Variants in LGR5 observed in about 807,000 individuals in gnomAD.
LGR5 encodes the protein leucine-rich repeat-containing G protein-coupled receptor 5.
In LGR5, 54 loss-of-function variants were observed where a neutral mutation model predicts 76.7. The ratio of observed to expected loss-of-function variants is 0.70; its 90% CI spans 0.57 to 0.88. The LOEUF (loss-of-function observed/expected upper bound fraction) is 0.88, where lower values mean the gene tolerates loss of function less well. LGR5 is among the 40% of genes least tolerant of loss of function. LGR5 has a pLI of 0.00. For missense variants in LGR5, 1,078 were observed against 1,073.3 expected (o/e 1.00, Z -0.06); for synonymous variants, 406 against 421.9 (o/e 0.96, Z 0.46).
At position 71,566,497 on chromosome 12, in the gene LGR5, G is replaced by A. The variant is rs11178849; in HGVS notation, c.929+22G>A. 33,444 of 1,573,102 alleles carry A rather than the reference G, an allele frequency of 0.021. 940 individuals carry two copies. Among genetic ancestry groups the A allele is most frequent in the African/African-American group, 0.14 (10,139 of 74,292 alleles). On this transcript the variant is annotated intron_variant, in intron 9 of 17. Coordinates refer to ENST00000266674, the MANE Select transcript of LGR5 (RefSeq NM_003667.4). ...CACTGTAAGTTTCTATGTCTCTTAT[G>A]GATCACTTTCCCTCTACAGGGTTGC...
intron 1 of LGR5, among the ~76,000 whole-genome samples, chr12:71,481,916 T>C (rs969973786): frequency 6.6e-6 from 1 of 152,214 alleles, no homozygotes; most frequent in Non-Finnish European, 1.5e-5. Context: ...AGACACTCAA[T>C]GACACAACAC....
At chr12:71,543,057 A>G (rs777575467) in intron 4 of LGR5, among the ~76,000 whole-genome samples, 3 of 152,100 alleles carry the variant, frequency 2.0e-5, no homozygotes, top group Admixed American at 6.6e-5. Flanking sequence ...CAAAGAAAGC[A>G]CTAGGACATA....
At chr12:71,481,472 A>T (rs763655908) in intron 1 of LGR5, among the ~76,000 whole-genome samples, 2 of 152,208 alleles carry the variant, frequency 1.3e-5, no homozygotes, top group Non-Finnish European at 2.9e-5. Context: ...TATATATGCC[A>T]CATTTTCTTT....
intron 2 of LGR5, among the ~76,000 whole-genome samples, chr12:71,519,686 C>T (rs1352984413): frequency 6.6e-6 from 1 of 151,760 alleles, no homozygotes; most frequent in Non-Finnish European, 1.5e-5. Flanking sequence ...ATTAGCCAGG[C>T]ATGGTGTCAT....
At chr12:71,527,712 C>T (rs969718764) in intron 3 of LGR5, among the ~76,000 whole-genome samples, 2 of 152,196 alleles carry the variant, frequency 1.3e-5, no homozygotes, top group Non-Finnish European at 2.9e-5. Flanking sequence ...AGGTCCCCAC[C>T]TCCCAACACT....
At chr12:71,498,320 CA>C (rs138666574) in intron 1 of LGR5, among the ~76,000 whole-genome samples, 7,408 of 152,194 alleles carry the variant, frequency 0.049, 222 homozygotes, top group Middle Eastern at 0.11. Flanking sequence ...GCCATTTGTC[CA>C]GGCTGCTACA....
At chr12:71,551,603 G>C (rs1464521950) in intron 4 of LGR5, among the ~76,000 whole-genome samples, 1 of 152,158 alleles carries the variant, frequency 6.6e-6, no homozygotes, top group Non-Finnish European at 1.5e-5. Context: ...GTTGGTTCTA[G>C]TATTCATGCA....
intron 4 of LGR5, 71 bp downstream of exon 4, chr12:71,535,257 C>A (rs1876530486): frequency 9.7e-7 from 1 of 1,027,538 alleles, no homozygotes; most frequent in Non-Finnish European, 1.5e-6. Context: ...GTTCAGTTGA[C>A]CATTTTAGTA....
intron 1 of LGR5, among the ~76,000 whole-genome samples, chr12:71,462,288 C>T (rs1171854648): frequency 6.6e-6 from 1 of 152,138 alleles, no homozygotes; most frequent in Non-Finnish European, 1.5e-5. Context: ...AGAGTTTCCT[C>T]TGTCAACTAG....
chr12:71,577,993 A>G lies in LGR5; in HGVS notation c.1277A>G (p.Lys426Arg), dbSNP rs377594428. 71 of 1,607,328 alleles carry G rather than the reference A, an allele frequency of 4.4e-5. No homozygotes were observed. The highest frequency in any genetic ancestry group is 5.9e-5 in the Non-Finnish European group (69 of 1,174,028). The change falls in exon 14 of 18, where the codon AAG becomes AGG. Residue 426 changes from lysine (K) to arginine (R), a missense_variant. By Grantham distance (26) the Lys-to-Arg change is conservative. Coordinates refer to ENST00000266674, the MANE Select transcript of LGR5 (RefSeq NM_003667.4). ...TTTTCCACTTTGCCATCCCTAATAA[A>G]GCTGTGAGTATTCCACAACTTGTTT... ...NAFSTLPSLI[K>R]LDLSSNLLSS...
At chr12:71,445,839 G>A (rs904061956) in intron 1 of LGR5, among the ~76,000 whole-genome samples, 5 of 152,188 alleles carry the variant, frequency 3.3e-5, no homozygotes, top group Admixed American at 1.3e-4. Flanking sequence ...AAGTGCTTCC[G>A]TATATCCTCA....
intron 14 of LGR5, among the ~76,000 whole-genome samples, 187 bp from the exon 15 acceptor site, chr12:71,578,617 A>T (rs1878959728): frequency 6.6e-6 from 1 of 152,160 alleles, no homozygotes; most frequent in East Asian, 1.9e-4. Context: ...CTCCCCTACA[A>T]TCCTGATTGT....
At chr12:71,540,944 C>A (rs553626512) in intron 4 of LGR5, among the ~76,000 whole-genome samples, 14 of 152,156 alleles carry the variant, frequency 9.2e-5, no homozygotes, top group Non-Finnish European at 1.9e-4. Context: ...CAAGCCTATA[C>A]AATAAAAATG....
At chr12:71,529,192 A>C (rs10784923) in intron 3 of LGR5, among the ~76,000 whole-genome samples, 87,609 of 152,006 alleles carry the variant, frequency 0.58, 25,670 homozygotes, top group East Asian at 0.87. Context: ...ATATCGTATT[A>C]GTCCATTTTC....
intron 1 of LGR5, among the ~76,000 whole-genome samples, chr12:71,475,972 A>C (rs1022715830): frequency 5.3e-5 from 8 of 152,170 alleles, no homozygotes; most frequent in Non-Finnish European, 1.0e-4. Context: ...TTCTAACAGG[A>C]TAGAAAAATC....
chr12:71,482,909 T>C (rs1363755462), intron 1 of LGR5, among the ~76,000 whole-genome samples: 1 of 152,196 alleles, frequency 6.6e-6, no homozygotes, highest in East Asian at 1.9e-4. Flanking sequence ...AATATCCATC[T>C]TCATATATCA....
intron 2 of LGR5, among the ~76,000 whole-genome samples, chr12:71,523,308 C>T (rs537431863): frequency 6.6e-6 from 1 of 152,070 alleles, no homozygotes; most frequent in East Asian, 1.9e-4. Flanking sequence ...AAGCACTAGT[C>T]AACTGGACCA....
chr12:71,501,228 A>T (rs902484107), intron 1 of LGR5, among the ~76,000 whole-genome samples: 6 of 152,210 alleles, frequency 3.9e-5, no homozygotes, highest in African/African-American at 1.4e-4. Context: ...AAATAAAAGG[A>T]ATGGTTTAAA....
intron 4 of LGR5, among the ~76,000 whole-genome samples, chr12:71,538,755 G>C (rs1876729260): frequency 6.6e-6 from 1 of 152,050 alleles, no homozygotes. Flanking sequence ...CTATGCTGGA[G>C]GCTGAGGTGG....
Sources: gnomAD v4.1 joint callset for allele counts (sites outside exome capture counted in the v4.1 genomes callset) on GRCh38, gnomAD v4.1.1 for gene constraint, MANE v1.5 for transcripts, NCBI Gene and HGNC (gene_info 2026-07-23, HGNC 2026-07-21) for gene names.